Variants in SYNE1 observed in about 807,000 individuals in gnomAD.
The protein encoded by SYNE1 is nesprin-1.
Under a neutral mutation model 1,111.0 loss-of-function variants are expected in SYNE1, and 616 were observed. That is an observed-to-expected ratio of 0.55 (90% CI 0.52 to 0.59). SYNE1 has a LOEUF of 0.59. SYNE1 is among the 20% of genes least tolerant of loss of function. SYNE1 has a pLI of 0.00. For missense variants in SYNE1, 10,006 were observed against 10,417.0 expected (o/e 0.96, Z 1.72); for synonymous variants, 3,855 against 3,825.8 (o/e 1.01, Z -0.28).
At chr6:152,584,668 G>T (rs2099531600) in intron 3 of SYNE1, among the ~76,000 whole-genome samples, 1 of 152,208 alleles carries the variant, frequency 6.6e-6, no homozygotes, top group Non-Finnish European at 1.5e-5. Context: ...CTCTCAAAAT[G>T]CTGGGGTTAC....
Position 152,149,657 on chromosome 6 carries a change from C to T in SYNE1, c.24462G>A (p.Gln8154=), listed in dbSNP as rs1646643756. 1 of 1,613,908 alleles carries T rather than the reference C, an allele frequency of 6.2e-7. No individual in the cohort carries two copies. The highest frequency in any genetic ancestry group is 1.7e-5 in the Admixed American group (1 of 59,994). Residue 8154 remains glutamine, a synonymous_variant, in exon 136 of 146, where the codon CAG becomes CAA. Transcript: ENST00000367255. Reference sequence around the variant, plus strand: ...TCTTATTGTGGTTCAGTGAAATTTCCTGCTGGAAGGCCTAGGGAGTACAAA... The same window carrying T: ...TCTTATTGTGGTTCAGTGAAATTTCTTGCTGGAAGGCCTAGGGAGTACAAA... ...AKIKQLKAFQ[Q]EISLNHNKIE... is the part of the protein sequence containing the mutation.
Position 152,387,368 on chromosome 6 carries a change from CA to C in SYNE1, c.8190del (p.Val2731Ter). 2 of 1,614,122 alleles carry C rather than the reference CA, an allele frequency of 1.2e-6. No homozygotes were observed. Among genetic ancestry groups the C allele is most frequent in the Non-Finnish European group, 1.7e-6 (2 of 1,179,988 alleles). Reference protein sequence around the residue: ...SSVHAQSTLESVISQWNDYVE... With the variant: ...SSVHAQSTLEXVISQWNDYVE... ...ACATAGTCATTCCATTGGCTAATCA[CA>C]GACTCTAAAGTGCTAGAATTAATGT... On this transcript the variant is annotated frameshift_variant, in exon 54 of 146. Coordinates refer to ENST00000367255, the MANE Select transcript of SYNE1 (RefSeq NM_182961.4). LOFTEE classifies it high-confidence loss of function.
In SYNE1 at chr6:152,455,519, C is replaced by T. The variant is rs1483419290; in HGVS notation, c.2799G>A (p.Glu933=). ...CCTTCTCCAACTCTGCTCGAGACTC[C>T]TCAAACTTCTTCATCAAGCGACTGT... ...ETNSRLMKKF[E]ESRAELEKVL... Residue 933 remains glutamate (E), a synonymous_variant, in exon 24 of 146, where the codon GAG becomes GAA. Transcript: ENST00000367255. 1 of 1,614,172 alleles carries T rather than the reference C, an allele frequency of 6.2e-7. No individual in the cohort carries two copies. The highest frequency in any genetic ancestry group is 1.1e-5 in the South Asian group (1 of 91,080).
In SYNE1 at chr6:152,253,846, T is replaced by G. The variant is rs1478084987; in HGVS notation, c.19470+1034A>C. Among the ~76,000 whole-genome samples the G allele has an allele frequency of 2.0e-3, 208 of 106,550 alleles. 1 individual carries two copies. Among genetic ancestry groups the G allele is most frequent in the African/African-American group, 8.6e-3 (186 of 21,556 alleles). The allele number at this position is 106,550 out of a possible 152,430, so 69.9% of individuals were successfully genotyped here. ...TTTTTTTTTTTTTTTTTTTTTTTTT[T>G]TTTTTTTTTTTTTTGCAAATCAAAA... On this transcript the variant is annotated intron_variant, in intron 104 of 145. Coordinates refer to ENST00000367255, the MANE Select transcript of SYNE1 (RefSeq NM_182961.4).
intron 3 of SYNE1, among the ~76,000 whole-genome samples, chr6:152,609,735 C>T (rs2099625968): frequency 6.6e-6 from 1 of 152,144 alleles, no homozygotes; most frequent in Non-Finnish European, 1.5e-5. Flanking sequence ...CAACAGACAC[C>T]TCATATAGGC....
chr6:152,205,795 A>G (rs2076395340), intron 126 of SYNE1, among the ~76,000 whole-genome samples: 1 of 152,228 alleles, frequency 6.6e-6, no homozygotes, highest in Admixed American at 6.5e-5. Flanking sequence ...AAGAAGAGAT[A>G]CCAATCTTGA....
chr6:152,345,787 T>G (rs773067107), intron 73 of SYNE1, among the ~76,000 whole-genome samples: 33 of 152,318 alleles, frequency 2.2e-4, no homozygotes, highest in Non-Finnish European at 3.8e-4. Context: ...TAGAAAGCAA[T>G]TTACCTATTT....
Position 152,335,403 on chromosome 6 carries a change from C to T in SYNE1, c.12529-1130G>A, listed in dbSNP as rs2096362359. ...TTTAAATTTGCTTATTAAGACATTT[C>T]TGTATTTTCTAAGCCTTTTATAATA... On this transcript the variant is annotated intron_variant, in intron 76 of 145. Coordinates refer to ENST00000367255, the MANE Select transcript of SYNE1 (RefSeq NM_182961.4). 2.0e-5 allele frequency: 3 copies of T among 152,134 alleles called. No homozygotes were observed. In the South Asian group the frequency reaches 6.2e-4, roughly 31 times the overall value. The allele number at this position is 152,134 out of a possible 1,614,324, so 9.4% of individuals were successfully genotyped here. A position where few individuals can be genotyped will look rare whatever the true frequency, so the allele number is the denominator to read the frequency against.
At chr6:152,273,380 G>A (rs2093354706) in intron 98 of SYNE1, among the ~76,000 whole-genome samples, 1 of 152,228 alleles carries the variant, frequency 6.6e-6, no homozygotes, top group Middle Eastern at 3.4e-3. Flanking sequence ...AGCATTTATT[G>A]TATTACTTGC....
At chr6:152,124,230 C>T (rs111814133) in intron 145 of SYNE1, among the ~76,000 whole-genome samples, 15 of 152,206 alleles carry the variant, frequency 9.9e-5, no homozygotes, top group South Asian at 2.1e-4. Flanking sequence ...CGCTTGAACC[C>T]GGGAGGCGGA....
At chr6:152,319,132 T>C in intron 84 of SYNE1, 117 bp from the exon 85 acceptor site, 1 of 1,403,236 alleles carries the variant, frequency 7.1e-7, no homozygotes, top group Admixed American at 2.0e-5. Context: ...TTGAAACACC[T>C]GGTCACACCA....
intron 96 of SYNE1, 47 bp downstream of exon 96, chr6:152,283,930 TA>T (rs1218676683): frequency 6.8e-7 from 1 of 1,464,602 alleles, no homozygotes; most frequent in Admixed American, 1.7e-5. Context: ...AACACAACGT[TA>T]AAAGTTAACT....
chr6:152,612,823 G>T (rs895819136), intron 3 of SYNE1, among the ~76,000 whole-genome samples: 1 of 152,078 alleles, frequency 6.6e-6, no homozygotes, highest in Non-Finnish European at 1.5e-5. Context: ...TTCACCCCTG[G>T]GATGCAAGGC....
chr6:152,605,015 AG>A (rs2099609372), intron 3 of SYNE1, among the ~76,000 whole-genome samples: 1 of 60,980 alleles, frequency 1.6e-5, no homozygotes. Flanking sequence ...AAAGAGAGAG[AG>A]AGAGAGAGAG....
intron 9 of SYNE1, among the ~76,000 whole-genome samples, chr6:152,504,930 C>T (rs2099049689): frequency 6.6e-6 from 1 of 152,202 alleles, no homozygotes; most frequent in South Asian, 2.1e-4. Context: ...CTAAAACTTT[C>T]ATTCCACCCT....
intron 67 of SYNE1, 151 bp from the exon 68 acceptor site, chr6:152,353,895 A>T: frequency 1.0e-6 from 1 of 953,182 alleles, no homozygotes; most frequent in Non-Finnish European, 1.6e-6. Context: ...TTATCTTCAT[A>T]AATATTATAT....
intron 4 of SYNE1, among the ~76,000 whole-genome samples, chr6:152,539,189 G>A (rs1417253145): frequency 6.6e-6 from 1 of 152,160 alleles, no homozygotes; most frequent in Non-Finnish European, 1.5e-5. Flanking sequence ...CTTGAAGGGA[G>A]AGTCAACATA....
chr6:152,632,489 A>T (rs959760261), intron 2 of SYNE1, among the ~76,000 whole-genome samples: 2 of 152,222 alleles, frequency 1.3e-5, no homozygotes, highest in African/African-American at 4.8e-5. Flanking sequence ...AGAAGGTAAT[A>T]AAAGGAGACT....
intron 127 of SYNE1, among the ~76,000 whole-genome samples, chr6:152,200,353 C>T (rs1047831020): frequency 3.3e-5 from 5 of 152,182 alleles, no homozygotes; most frequent in Non-Finnish European, 5.9e-5. Context: ...ATAGTCACAG[C>T]CCCTAATAAA....
Sources: gnomAD v4.1 joint callset for allele counts (sites outside exome capture counted in the v4.1 genomes callset) on GRCh38, gnomAD v4.1.1 for gene constraint, MANE v1.5 for transcripts, NCBI Gene and HGNC (gene_info 2026-07-23, HGNC 2026-07-21) for gene names.